KMT2D: variants seen among roughly 807,000 people sequenced by gnomAD.
KMT2D encodes the protein lysine methyltransferase 2D.
A neutral mutation model predicts 512.7 loss-of-function variants in KMT2D; 55 were observed. The ratio of observed to expected loss-of-function variants is 0.11; its 90% CI spans 0.09 to 0.13. The LOEUF is 0.13. Among genes scored for constraint, KMT2D ranks in the 10% least tolerant of loss-of-function variants. The pLI is 1.00. For missense variants in KMT2D, 6,061 were observed against 7,127.9 expected (o/e 0.85, Z 5.39); for synonymous variants, 2,995 against 2,904.0 (o/e 1.03, Z -1.01).
rs1942261269 is a variant in KMT2D, at chr12:49,020,409, A to C, written c.*1371T>G. 5.6e-6 allele frequency: 1 copy of C among 179,932 alleles called. No homozygotes were observed. Among genetic ancestry groups the C allele is most frequent in the African/African-American group, 2.4e-5 (1 of 42,276 alleles). 11.1% of individuals were successfully genotyped at this position (179,932 alleles called of 1,614,324 possible). ...CTACCATTTATAAACTGGTTTTGTAAAAAGAAAATAGATATATTTATATAG... is the reference window on the plus strand; with the variant it reads ...CTACCATTTATAAACTGGTTTTGTACAAAGAAAATAGATATATTTATATAG... On this transcript the variant is annotated 3_prime_UTR_variant, in exon 55 of 55. Transcript: ENST00000301067.
At position 49,044,999 on chromosome 12, in the gene KMT2D, T is replaced by C; in HGVS notation, c.4742-34A>G. 1 of 1,578,288 alleles carries C rather than the reference T, an allele frequency of 6.3e-7. No individual in the cohort carries two copies. The highest frequency in any genetic ancestry group is 8.7e-7 in the Non-Finnish European group (1 of 1,148,442). On this transcript the variant is annotated intron_variant, in intron 19 of 54. Coordinates refer to ENST00000301067, the MANE Select transcript of KMT2D (RefSeq NM_003482.4). The surrounding 1 kb of genome is among the most constrained non-coding windows in gnomAD (Gnocchi z 6.4). The stretch of plus-strand genomic sequence containing the variant: ...GAGGAAAGAGTATGTGATCCCTGGA[T>C]GGAAGCCCCAGGGAAACCAGAACTG...
chr12:49,031,451 T>C lies in KMT2D; in HGVS notation c.13254A>G (p.Glu4418=). 1 of 1,613,760 alleles carries C rather than the reference T, an allele frequency of 6.2e-7. No individual in the cohort carries two copies. Among genetic ancestry groups the C allele is most frequent in the Non-Finnish European group, 8.5e-7 (1 of 1,179,852 alleles). Residue 4418 remains glutamate, a synonymous_variant, in exon 40 of 55, where the codon GAA becomes GAG. Coordinates refer to ENST00000301067, the MANE Select transcript of KMT2D (RefSeq NM_003482.4). ...CCAGGGCACATGGCTCTTCCCGAGG[T>C]TCCTGCTTGATGCTGAGTTGGGATG... ...PEASQLSIKQ[E]PREEPCALGA...
chr12:49,047,338 T>G (rs915540369), intron 15 of KMT2D, among the ~76,000 whole-genome samples: 1 of 150,694 alleles, frequency 6.6e-6, no homozygotes, highest in Admixed American at 6.6e-5. Context: ...GTGAATAGAA[T>G]AGCAATCTTT....
chr12:49,034,690 G>A (rs752868107), intron 36 of KMT2D, 24 bp from the exon 37 acceptor site: 1 of 1,610,316 alleles, frequency 6.2e-7, no homozygotes. Flanking sequence ...AAGCACAGAA[G>A]ATAAGTGTTG....
chr12:49,029,621 G>T, intron 43 of KMT2D, 145 bp from the exon 44 acceptor site: 1 of 623,984 alleles, frequency 1.6e-6, no homozygotes, highest in South Asian at 2.2e-5. Flanking sequence ...GGGCAAACAA[G>T]GTATATTTAT....
chr12:49,030,451 G>A lies in KMT2D; in HGVS notation c.13840-12C>T. On this transcript the variant is annotated splice_polypyrimidine_tract_variant and intron_variant, in intron 42 of 54. Coordinates refer to ENST00000301067, the MANE Select transcript of KMT2D (RefSeq NM_003482.4). ...TTACTCAGGTTATTCTGAGGGGTGG[G>A]GGGTGGGGTGTTGTGTGCAAGATGG... 1.8e-6 allele frequency: 1 copy of A among 551,660 alleles called. No individual in the cohort carries two copies. Among genetic ancestry groups the A allele is most frequent in the Non-Finnish European group, 2.9e-6 (1 of 342,662 alleles). The allele number at this position is 551,660 out of a possible 1,614,324, so 34.2% of individuals were successfully genotyped here.
chr12:49,050,133 G>A lies in KMT2D; in HGVS notation c.3455C>T (p.Pro1152Leu), dbSNP rs765863571. The A allele has an allele frequency of 1.4e-5, 23 of 1,613,392 alleles. No individual in the cohort carries two copies. The highest frequency in any genetic ancestry group is 3.3e-5 in the Admixed American group (2 of 60,012). Residue 1152 changes from proline (P) to leucine (L), a missense_variant, in exon 12 of 55, where the codon CCT becomes CTT. By Grantham distance (98) the Pro-to-Leu change is moderately conservative (BLOSUM62 -3). This residue lies in a region of KMT2D where 447 missense variants were observed against 500.1 expected (regional missense o/e 0.89). Transcript: ENST00000301067. ...GSLASELKGS[P>L]VLLDPEELAP... ...CAGCTCCTCGGGGTCCAGGAGCACAGGGGAGCCTTTAAGTTCACTAGCCAA... is the reference window on the plus strand; with the variant it reads ...CAGCTCCTCGGGGTCCAGGAGCACAAGGGAGCCTTTAAGTTCACTAGCCAA...
chr12:49,037,935 C>G lies in KMT2D; in HGVS notation c.9421G>C (p.Val3141Leu), dbSNP rs2120487937. The G allele has an allele frequency of 6.2e-7, 1 of 1,604,606 alleles. No individual in the cohort carries two copies. The highest frequency in any genetic ancestry group is 8.5e-7 in the Non-Finnish European group (1 of 1,175,884). The change falls in exon 35 of 55, where the codon GTA (valine) becomes CTA (leucine). Residue 3141 changes from valine to leucine, a missense_variant. By Grantham distance (32) the Val-to-Leu change is conservative. Coordinates refer to ENST00000301067, the MANE Select transcript of KMT2D (RefSeq NM_003482.4). The part of the protein sequence containing the change: ...PCQFTIATPK[V>L]EPAPAANSLG... ...GAATTGGCAGCAGGTGCGGGCTCTACCTTGGGGGTAGCAATGGTGAATTGG... is the reference window on the plus strand; with the variant it reads ...GAATTGGCAGCAGGTGCGGGCTCTAGCTTGGGGGTAGCAATGGTGAATTGG...
In KMT2D at chr12:49,020,319, G is replaced by A. The variant is rs984390270; in HGVS notation, c.*1461C>T. On this transcript the variant is annotated 3_prime_UTR_variant, in exon 55 of 55. Transcript: ENST00000301067. ...TGGGGTGGGGGGTGAGGAAAAGGGC[G>A]GTAGGTCGGGTAATGGAGGGGGCCC... is the stretch of plus-strand genomic sequence containing the variant. 16 of 175,650 alleles carry A rather than the reference G, an allele frequency of 9.1e-5. No homozygotes were observed. The highest frequency in any genetic ancestry group is 4.8e-5 in the African/African-American group (2 of 42,096). 10.9% of individuals were successfully genotyped at this position (175,650 alleles called of 1,614,324 possible). A position where few individuals can be genotyped will look rare whatever the true frequency, so the allele number is the denominator to read the frequency against.
Position 49,029,214 on chromosome 12 carries a change from C to T in KMT2D, c.14098G>A (p.Asp4700Asn), listed in dbSNP as rs369583907. The T allele has an allele frequency of 7.3e-5, 117 of 1,613,482 alleles. No homozygotes were observed. The highest frequency in any genetic ancestry group is 9.3e-5 in the Non-Finnish European group (110 of 1,179,540). Reference sequence around the variant, plus strand: ...GCTGGCACAATGCTGTCAGGAGAATCGCTATCCTCATCACTCTCCATCCTG... The same window carrying T: ...GCTGGCACAATGCTGTCAGGAGAATTGCTATCCTCATCACTCTCCATCCTG... Reference protein sequence around the residue: ...DVRMESDEDSDSPDSIVPASS... With the variant: ...DVRMESDEDSNSPDSIVPASS... The change falls in exon 45 of 55, where the codon GAT becomes AAT. Residue 4700 changes from aspartate to asparagine, a missense_variant. Around this residue, in one of 16 missense-constraint regions of KMT2D, gnomAD observed 1,600 missense variants for 1,754.9 expected, o/e 0.91. Transcript: ENST00000301067.
At chr12:49,059,072 C>A (rs1479809176) in intron 1 of KMT2D, among the ~76,000 whole-genome samples, 1 of 152,160 alleles carries the variant, frequency 6.6e-6, no homozygotes, top group Admixed American at 6.5e-5. Flanking sequence ...AGTTTCCACA[C>A]ACTCTCCCTT....
rs1222606117 is a variant in KMT2D at position 49,034,400 on chromosome 12, C to G, written c.10507+10G>C. 8.7e-6 allele frequency: 14 copies of G among 1,613,676 alleles called. No individual in the cohort carries two copies. The South Asian group carries it at 1.4e-4, about 16-fold the overall frequency. Reference sequence around the variant, plus strand: ...CTCCCCTGCACCTTCCTCCCACGCCCCATACTCACTGATCACTCCCTGAGC... The same window carrying G: ...CTCCCCTGCACCTTCCTCCCACGCCGCATACTCACTGATCACTCCCTGAGC... On this transcript the variant is annotated intron_variant, in intron 38 of 54. Transcript: ENST00000301067.
rs554987985 is a variant in KMT2D, at chr12:49,022,032, C to G, written c.16521+11G>C. 6.2e-7 allele frequency: 1 copy of G among 1,609,988 alleles called. No homozygotes were observed. The highest frequency in any genetic ancestry group is 2.2e-5 in the East Asian group (1 of 44,872). On this transcript the variant is annotated intron_variant, in intron 54 of 54. Transcript: ENST00000301067. This position sits in a 1 kb window ranked among gnomAD's most constrained non-coding sequence, Gnocchi z 8.6. The stretch of plus-strand genomic sequence containing the variant: ...GCTGCTTTGTCACTCAGTCAGGATA[C>G]TTCCTCTCACCTCCTCTCCTTTGGG...
rs2120500791 is a variant in KMT2D at position 49,038,597 on chromosome 12, C to T, written c.8759G>A (p.Gly2920Glu). 1 of 1,612,694 alleles carries T rather than the reference C, an allele frequency of 6.2e-7. No homozygotes were observed. The highest frequency in any genetic ancestry group is 1.6e-4 in the Middle Eastern group (1 of 6,062). The change falls in exon 35 of 55, where the codon GGG (glycine) becomes GAG (glutamate). Residue 2920 changes from glycine to glutamate, a missense_variant. This residue lies in a region of KMT2D where 527 missense variants were observed against 578.9 expected (regional missense o/e 0.91). Coordinates refer to ENST00000301067, the MANE Select transcript of KMT2D (RefSeq NM_003482.4). This position sits in a 1 kb window ranked among gnomAD's most constrained non-coding sequence, Gnocchi z 5.7. Reference sequence around the variant, plus strand: ...ACCTGATACCGCCAGGCCCCGAAGCCCTTCAGGAGCCAGTCGGTGGGGGTC... The same window carrying T: ...ACCTGATACCGCCAGGCCCCGAAGCTCTTCAGGAGCCAGTCGGTGGGGGTC... Reference protein sequence around the residue: ...SEDPHRLAPEGLRGLAVSGLP... With the variant: ...SEDPHRLAPEELRGLAVSGLP...
chr12:49,043,399 C>T lies in KMT2D; in HGVS notation c.5497G>A (p.Glu1833Lys), dbSNP rs1218751620. The change falls in exon 25 of 55, where the codon GAA becomes AAA. Residue 1833 changes from glutamate (E) to lysine (K), a missense_variant. By Grantham distance (56) the Glu-to-Lys change is moderately conservative. Around this residue, in one of 16 missense-constraint regions of KMT2D, gnomAD observed 640 missense variants for 814.3 expected, o/e 0.79. Coordinates refer to ENST00000301067, the MANE Select transcript of KMT2D (RefSeq NM_003482.4). The stretch of plus-strand genomic sequence containing the variant: ...GCTTTGCCCTCGAGGCCACGGGATT[C>T]TTCATCTGCAATATCTGGACCATCA... ...GDDGPDIADE[E>K]SRGLEGKADT... 6.2e-7 allele frequency: 1 copy of T among 1,613,990 alleles called. No individual in the cohort carries two copies. Among genetic ancestry groups the T allele is most frequent in the Non-Finnish European group, 8.5e-7 (1 of 1,179,890 alleles).
chr12:49,041,566 A>G lies in KMT2D; in HGVS notation c.6235-31T>C, dbSNP rs2120548960. On this transcript the variant is annotated intron_variant, in intron 31 of 54. Coordinates refer to ENST00000301067, the MANE Select transcript of KMT2D (RefSeq NM_003482.4). The surrounding 1 kb of genome is among the most constrained non-coding windows in gnomAD (Gnocchi z 5.4). Reference sequence around the variant, plus strand: ...GGGGGAGACCAGGCATAGGGCAGTCAGGCTGCTGCAGGCAGGCCCCATGGC... The same window carrying G: ...GGGGGAGACCAGGCATAGGGCAGTCGGGCTGCTGCAGGCAGGCCCCATGGC... 1 of 1,612,664 alleles carries G rather than the reference A, an allele frequency of 6.2e-7. No individual in the cohort carries two copies. Among genetic ancestry groups the G allele is most frequent in the Non-Finnish European group, 8.5e-7 (1 of 1,179,218 alleles).
rs768785463 is a variant in KMT2D, at chr12:49,050,149, C to T, written c.3439G>A (p.Glu1147Lys). Residue 1147 changes from glutamate to lysine, a missense_variant, in exon 12 of 55, where the codon GAA (glutamate) becomes AAA (lysine). Physicochemically the swap from Glu to Lys is moderately conservative, Grantham distance 56 (BLOSUM62 1). This residue lies in a region of KMT2D where 447 missense variants were observed against 500.1 expected (regional missense o/e 0.89). Transcript: ENST00000301067. ...PGQTPGSLAS[E>K]LKGSPVLLDP... ...AGGAGCACAGGGGAGCCTTTAAGTTCACTAGCCAAACTGCCAGGGGTCTGT... is the reference window on the plus strand; with the variant it reads ...AGGAGCACAGGGGAGCCTTTAAGTTTACTAGCCAAACTGCCAGGGGTCTGT... 6.2e-7 allele frequency: 1 copy of T among 1,613,482 alleles called. No individual in the cohort carries two copies. Among genetic ancestry groups the T allele is most frequent in the African/African-American group, 1.3e-5 (1 of 74,916 alleles).
Position 49,037,424 on chromosome 12 carries a change from T to C in KMT2D, c.9932A>G (p.Gln3311Arg), listed in dbSNP as rs780758486. ...GSSPSLAGSQ[Q>R]QLSLGLAGAR... is the part of the protein sequence containing the mutation. ...ACCTGCAAGACCCAGGGAAAGCTGC[T>C]GTTGGGACCCAGCCAAACTGGGAGA... is the stretch of plus-strand genomic sequence containing the variant. Residue 3311 changes from glutamine to arginine, a missense_variant, in exon 35 of 55, where the codon CAG (glutamine) becomes CGG (arginine). Gln to Arg is a conservative substitution (Grantham distance 43). Transcript: ENST00000301067. The C allele has an allele frequency of 6.6e-5, 106 of 1,597,708 alleles. No homozygotes were observed. The highest frequency in any genetic ancestry group is 9.0e-5 in the Non-Finnish European group (105 of 1,172,434).
At position 49,041,480 on chromosome 12, in the gene KMT2D, G is replaced by A. The variant is rs1371286708; in HGVS notation, c.6290C>T (p.Thr2097Ile). The A allele has an allele frequency of 6.2e-7, 1 of 1,613,586 alleles. No homozygotes were observed. The highest frequency in any genetic ancestry group is 8.5e-7 in the Non-Finnish European group (1 of 1,179,656). Reference protein sequence around the residue: ...QTKVGDIARKTDRPALHLRIP... With the variant: ...QTKVGDIARKIDRPALHLRIP... ...GCGGAGATGTAGGGCCGGTCGGTCA[G>A]TCTTACGGGCTATGTCGCCCACCTT... The change falls in exon 32 of 55, where the codon ACT becomes ATT. Residue 2097 changes from threonine (T) to isoleucine (I), a missense_variant. Around this residue, in one of 16 missense-constraint regions of KMT2D, gnomAD observed 710 missense variants for 647.3 expected, o/e 1.10. Coordinates refer to ENST00000301067, the MANE Select transcript of KMT2D (RefSeq NM_003482.4). This position sits in a 1 kb window ranked among gnomAD's most constrained non-coding sequence, Gnocchi z 5.4.
Sources: allele counts gnomAD v4.1 joint callset (sites outside exome capture counted in the v4.1 genomes callset), GRCh38; gene constraint gnomAD v4.1.1; regional missense constraint gnomAD v4.1.1; non-coding constraint Gnocchi (gnomAD v3.1); transcripts MANE v1.5; gene names NCBI Gene and HGNC (gene_info 2026-07-23, HGNC 2026-07-21).